Variants in AKT3 observed in about 807,000 individuals in gnomAD.
AKT3 encodes AKT serine/threonine kinase 3.
AKT3 carries 15 observed loss-of-function variants against 65.3 expected under a neutral mutation model. The observed-to-expected ratio is 0.23, with a 90% CI of 0.15 to 0.35. AKT3 has a LOEUF of 0.35. AKT3 is among the 10% of genes least tolerant of loss of function. The pLI is 1.00. For synonymous variants in AKT3, 206 were observed against 183.8 expected (o/e 1.12, Z -0.98); for missense variants, 243 against 576.5 (o/e 0.42, Z 5.92).
intron 1 of AKT3, among the ~76,000 whole-genome samples, chr1:243,848,961 G>C (rs934314005): frequency 2.6e-5 from 4 of 152,178 alleles, no homozygotes; most frequent in African/African-American, 9.7e-5. Context: ...TTGTGGGTAA[G>C]CATTTCCTCT....
At chr1:243,574,979 T>G (rs945711876) in intron 8 of AKT3, among the ~76,000 whole-genome samples, 4 of 152,160 alleles carry the variant, frequency 2.6e-5, no homozygotes, top group African/African-American at 9.6e-5. Context: ...ATCTTCAATG[T>G]GTCTGCCAGC....
intron 12 of AKT3, among the ~76,000 whole-genome samples, chr1:243,513,100 G>C (rs1218233762): frequency 6.6e-6 from 1 of 152,060 alleles, no homozygotes; most frequent in African/African-American, 2.4e-5. Flanking sequence ...CATCTCATTC[G>C]CACTGCACCT....
chr1:243,664,408 G>A (rs1357243626), intron 4 of AKT3, among the ~76,000 whole-genome samples: 1 of 151,498 alleles, frequency 6.6e-6, no homozygotes, highest in Non-Finnish European at 1.5e-5. Flanking sequence ...GTTTCACCTT[G>A]TCAGCCAGGA....
chr1:243,620,543 GGAGACA>G (rs67030422), intron 6 of AKT3, among the ~76,000 whole-genome samples: 72,591 of 143,232 alleles, frequency 0.51, 21,981 homozygotes, highest in Non-Finnish European at 0.68. Flanking sequence ...TCCTGCCAGA[GGAGACA>G]TGTCACACTT....
intron 2 of AKT3, among the ~76,000 whole-genome samples, chr1:243,758,218 G>A (rs1450390564): frequency 6.6e-6 from 1 of 152,032 alleles, no homozygotes; most frequent in African/African-American, 2.4e-5. Flanking sequence ...ATTTCCATGG[G>A]GGAGAAAAAA....
At chr1:243,826,701 G>A (rs1456244319) in intron 2 of AKT3, among the ~76,000 whole-genome samples, 1 of 152,136 alleles carries the variant, frequency 6.6e-6, no homozygotes, top group Non-Finnish European at 1.5e-5. Context: ...ATCCTGATCT[G>A]CTAACTATAA....
intron 2 of AKT3, among the ~76,000 whole-genome samples, chr1:243,811,247 GATGAC>G (rs1244204014): frequency 1.3e-5 from 2 of 152,204 alleles, no homozygotes; most frequent in African/African-American, 2.4e-5. Context: ...CCTATTTGCA[GATGAC>G]ATGATTGTAT....
intron 2 of AKT3, chr1:243,740,922 C>G (rs1232816415): frequency 6.6e-6 from 1 of 152,114 alleles, no homozygotes; most frequent in Non-Finnish European, 1.5e-5. Context: ...AATCCTTCAT[C>G]TACATAAAAT....
chr1:243,690,824 T>G (rs1054766543), intron 3 of AKT3, among the ~76,000 whole-genome samples: 3 of 152,116 alleles, frequency 2.0e-5, no homozygotes, highest in Admixed American at 1.3e-4. Flanking sequence ...TAAGGCAACC[T>G]TAAAAAGATC....
At chr1:243,491,687 G>A (rs926113992) in intron 13 of AKT3, among the ~76,000 whole-genome samples, 1 of 152,190 alleles carries the variant, frequency 6.6e-6, no homozygotes, top group African/African-American at 2.4e-5. Flanking sequence ...CTTCTGCTGA[G>A]CCATGATGTG....
intron 2 of AKT3, among the ~76,000 whole-genome samples, chr1:243,841,890 C>T (rs553957494): frequency 5.9e-5 from 9 of 152,088 alleles, no homozygotes; most frequent in African/African-American, 1.9e-4. Context: ...CAGTATTATG[C>T]TATGTAAAAG....
At chr1:243,743,281 T>C (rs1390543682) in intron 2 of AKT3, among the ~76,000 whole-genome samples, 1 of 152,178 alleles carries the variant, frequency 6.6e-6, no homozygotes, top group African/African-American at 2.4e-5. Context: ...AATTTTACCC[T>C]GGAAGAAAAA....
At chr1:243,727,836 T>A (rs373580901) in intron 2 of AKT3, among the ~76,000 whole-genome samples, 1 of 152,148 alleles carries the variant, frequency 6.6e-6, no homozygotes, top group African/African-American at 2.4e-5. Context: ...ACTAAAAAAT[T>A]TGATATAATC....
At position 243,586,419 on chromosome 1, in the gene AKT3, G is replaced by T. The variant is rs546371237; in HGVS notation, c.697-13371C>A. Among the ~76,000 whole-genome samples the T allele has an allele frequency of 1.1e-4, 16 of 152,148 alleles. No homozygotes were observed. In the South Asian group the frequency reaches 3.3e-3, roughly 32 times the overall value. ...GTGTGTACCCAAAAGAAAACAAATT[G>T]TTCTATAAAGTAGACACAGGCACTT... is the stretch of plus-strand genomic sequence containing the variant. On this transcript the variant is annotated intron_variant, in intron 8 of 13. Coordinates refer to ENST00000673466, the MANE Select transcript of AKT3 (RefSeq NM_005465.7).
chr1:243,815,697 A>C (rs1693469405), intron 2 of AKT3, among the ~76,000 whole-genome samples: 1 of 150,384 alleles, frequency 6.6e-6, no homozygotes, highest in South Asian at 2.1e-4. Context: ...TCCCAGGCTC[A>C]AGAACTTAGA....
intron 10 of AKT3, among the ~76,000 whole-genome samples, chr1:243,562,280 C>A (rs1408288474): frequency 6.6e-6 from 1 of 152,054 alleles, no homozygotes; most frequent in African/African-American, 2.4e-5. Flanking sequence ...ATAGGTAAAT[C>A]TATAAAGACA....
intron 3 of AKT3, among the ~76,000 whole-genome samples, chr1:243,684,146 T>C (rs540859414): frequency 4.6e-5 from 7 of 152,278 alleles, no homozygotes; most frequent in South Asian, 4.1e-4. Flanking sequence ...CTTTTTTTTG[T>C]ATAAATGTTT....
intron 2 of AKT3, among the ~76,000 whole-genome samples, chr1:243,695,938 T>A (rs529505323): frequency 2.6e-5 from 4 of 152,146 alleles, no homozygotes; most frequent in African/African-American, 9.6e-5. Context: ...CACACTTTGA[T>A]AATTCATTTG....
intron 2 of AKT3, among the ~76,000 whole-genome samples, chr1:243,791,697 G>A (rs1691642584): frequency 6.6e-6 from 1 of 152,136 alleles, no homozygotes; most frequent in Non-Finnish European, 1.5e-5. Flanking sequence ...CTAAATAAGA[G>A]GAGTCACTTA....
Sources: gnomAD v4.1 joint callset for allele counts (sites outside exome capture counted in the v4.1 genomes callset) on GRCh38, gnomAD v4.1.1 for gene constraint, MANE v1.5 for transcripts, NCBI Gene and HGNC (gene_info 2026-07-23, HGNC 2026-07-21) for gene names.